The following MCTP2 variants were observed in gnomAD, a reference collection of about 807,000 sequenced individuals.
MCTP2 encodes the protein multiple C2 and transmembrane domain containing 2.
In MCTP2, 132 loss-of-function variants were observed where a neutral mutation model predicts 111.6. The ratio of observed to expected loss-of-function variants is 1.18; its 90% CI spans 1.03 to 1.37. The LOEUF (loss-of-function observed/expected upper bound fraction) is 1.37, where lower values mean the gene tolerates loss of function less well. Among genes scored for constraint, MCTP2 ranks in the 40% most tolerant of loss-of-function variants. The pLI is 0.00. For missense variants in MCTP2, 1,183 were observed against 1,067.9 expected, an observed-to-expected ratio of 1.11 and a Z score of -1.50; for synonymous variants, 395 against 387.7, an observed-to-expected ratio of 1.02 and a Z score of -0.22.
intron 1 of MCTP2, among the ~76,000 whole-genome samples, chr15:94,291,073 TAC>T (rs1313021741): frequency 6.6e-6 from 1 of 152,224 alleles, no homozygotes; most frequent in African/African-American, 2.4e-5. Flanking sequence ...TAGTAGCATA[TAC>T]AGTCTTTTCA....
intron 19 of MCTP2, among the ~76,000 whole-genome samples, chr15:94,454,457 A>G (rs1240723531): frequency 6.6e-6 from 1 of 152,190 alleles, no homozygotes; most frequent in African/African-American, 2.4e-5. Context: ...AGGTTGTGTG[A>G]TAAAGATCCA....
chr15:94,336,292 C>T (rs80170989), intron 4 of MCTP2, among the ~76,000 whole-genome samples: 3,975 of 152,268 alleles, frequency 0.026, 149 homozygotes, highest in African/African-American at 0.091. Context: ...TTATTGCAGC[C>T]TCCACTGGCA....
At chr15:94,298,170 T>G in intron 1 of MCTP2, 31 bp from the exon 2 acceptor site, 3 of 926,570 alleles carry the variant, frequency 3.2e-6, no homozygotes, top group South Asian at 2.1e-5. Flanking sequence ...TTTTGTTTGT[T>G]TGTTTTTTGT....
At chr15:94,242,081 G>A (rs931438337) in intron 1 of MCTP2, among the ~76,000 whole-genome samples, 9 of 152,112 alleles carry the variant, frequency 5.9e-5, no homozygotes, top group African/African-American at 2.2e-4. Flanking sequence ...CTTCTGATGA[G>A]GTAGGTGCAG....
At position 94,284,842 on chromosome 15, in the gene MCTP2, A is replaced by G. The variant is rs563283749; in HGVS notation, c.-65-13359A>G. Among the ~76,000 whole-genome samples the G allele has an allele frequency of 8.5e-5, 13 of 152,372 alleles. No individual in the cohort carries two copies. In the South Asian group the frequency reaches 2.5e-3, roughly 29 times the overall value. ...GAGGTATATGAAAAATAGCAGGGTTAGAACACTAAAAGGCCTTTACAACTA... is the reference window on the plus strand; with the variant it reads ...GAGGTATATGAAAAATAGCAGGGTTGGAACACTAAAAGGCCTTTACAACTA... On this transcript the variant is annotated intron_variant, in intron 1 of 22. Coordinates refer to ENST00000357742, the MANE Select transcript of MCTP2 (RefSeq NM_001385001.1).
intron 6 of MCTP2, 150 bp downstream of exon 6, chr15:94,340,425 T>A: frequency 1.6e-6 from 1 of 635,992 alleles, no homozygotes; most frequent in Non-Finnish European, 2.7e-6. Context: ...GTCAGTGTAT[T>A]TTTAAGGATT....
At chr15:94,356,048 A>G in intron 8 of MCTP2, 89 bp from the exon 9 acceptor site, 1 of 1,409,054 alleles carries the variant, frequency 7.1e-7, no homozygotes, top group Non-Finnish European at 9.3e-7. Context: ...TTTATAATTA[A>G]ATACTGAAAG....
chr15:94,387,160 C>T (rs2080547906), intron 14 of MCTP2, among the ~76,000 whole-genome samples: 1 of 151,838 alleles, frequency 6.6e-6, no homozygotes, highest in African/African-American at 2.4e-5. Context: ...TCCTTTCCTT[C>T]CTCCCTCTCT....
chr15:94,388,302 G>A (rs1348929175), intron 14 of MCTP2, among the ~76,000 whole-genome samples: 2 of 152,194 alleles, frequency 1.3e-5, no homozygotes, highest in East Asian at 3.8e-4. Context: ...GGTGCACTCA[G>A]TAAGATGCTT....
At chr15:94,338,789 A>C (rs2077493735) in intron 4 of MCTP2, among the ~76,000 whole-genome samples, 1 of 152,230 alleles carries the variant, frequency 6.6e-6, no homozygotes, top group East Asian at 1.9e-4. Context: ...CTACGCCTCC[A>C]GTTTCACTTG....
intron 2 of MCTP2, among the ~76,000 whole-genome samples, chr15:94,310,208 C>T (rs1437153840): frequency 3.3e-5 from 5 of 152,154 alleles, no homozygotes; most frequent in Non-Finnish European, 7.4e-5. Flanking sequence ...AGATTCCAGT[C>T]TCAAACATTT....
At chr15:94,372,363 A>G (rs9972368) in intron 12 of MCTP2, among the ~76,000 whole-genome samples, 39,842 of 152,098 alleles carry the variant, frequency 0.26, 5,678 homozygotes, top group African/African-American at 0.35. Context: ...AGGCTCCTGT[A>G]TGAATCCTCC....
At chr15:94,343,438 T>A (rs2077773916) in intron 7 of MCTP2, 1 of 152,210 alleles carries the variant, frequency 6.6e-6, no homozygotes, top group Non-Finnish European at 1.5e-5. Context: ...TACCCCTTTT[T>A]CTTCCAGTCA....
chr15:94,425,594 A>G (rs2082845195), intron 17 of MCTP2, among the ~76,000 whole-genome samples: 1 of 152,166 alleles, frequency 6.6e-6, no homozygotes, highest in African/African-American at 2.4e-5. Flanking sequence ...ATCAAAAGAA[A>G]AAACAAAAAT....
At position 94,243,115 on chromosome 15, in the gene MCTP2, GTATA is replaced by G. The variant is rs1323067973; in HGVS notation, c.-66+11455_-66+11458del. Among the ~76,000 whole-genome samples the G allele has an allele frequency of 7.0e-5, 10 of 143,628 alleles. 1 individual carries two copies. Among genetic ancestry groups the G allele is most frequent in the Admixed American group, 4.8e-4 (7 of 14,556 alleles). The allele number at this position is 143,628 out of a possible 152,430, so 94.2% of individuals were successfully genotyped here. A position where few individuals can be genotyped will look rare whatever the true frequency, so the allele number is the denominator to read the frequency against. On this transcript the variant is annotated intron_variant, in intron 1 of 22. Coordinates refer to ENST00000357742, the MANE Select transcript of MCTP2 (RefSeq NM_001385001.1). Reference sequence around the variant, plus strand: ...CGTGTATATGTGTATCTACGGGTGTGTATATATGTATCTACGGGTGTGGATATAT... The same window carrying G: ...CGTGTATATGTGTATCTACGGGTGTGTATGTATCTACGGGTGTGGATATAT...
intron 17 of MCTP2, among the ~76,000 whole-genome samples, chr15:94,408,540 T>C (rs79320622): frequency 9.9e-4 from 151 of 152,320 alleles, no homozygotes; most frequent in African/African-American, 3.5e-3. Flanking sequence ...CAATCCATCA[T>C]TGCATATTGT....
intron 20 of MCTP2, among the ~76,000 whole-genome samples, chr15:94,462,135 G>A (rs2085253879): frequency 6.6e-6 from 1 of 152,176 alleles, no homozygotes. Flanking sequence ...TAATCCCATT[G>A]ACACAAGGTC....
chr15:94,455,660 C>G (rs555901056), intron 19 of MCTP2, among the ~76,000 whole-genome samples: 1 of 151,868 alleles, frequency 6.6e-6, no homozygotes, highest in African/African-American at 2.4e-5. Context: ...CTCCTGACCT[C>G]GTTATCTGCC....
chr15:94,290,152 C>CA (rs57892801), intron 1 of MCTP2, among the ~76,000 whole-genome samples: 3,988 of 139,834 alleles, frequency 0.029, 69 homozygotes, highest in Admixed American at 0.059. Flanking sequence ...CTAGAGCCTC[C>CA]AAAAAAAAAA....
Sources: allele counts gnomAD v4.1 joint callset (sites outside exome capture counted in the v4.1 genomes callset), GRCh38; gene constraint gnomAD v4.1.1; transcripts MANE v1.5; gene names NCBI Gene and HGNC (gene_info 2026-07-23, HGNC 2026-07-21).